UTS2B: variants seen among roughly 807,000 people sequenced by gnomAD.
The protein encoded by UTS2B is urotensin-2B.
Under a neutral mutation model 19.2 loss-of-function variants are expected in UTS2B, and 21 were observed. The ratio of observed to expected loss-of-function variants is 1.09; its 90% CI spans 0.78 to 1.58. UTS2B has a LOEUF of 1.58. Among genes scored for constraint, UTS2B ranks in the 40% most tolerant of loss-of-function variants. The pLI is 0.00. For synonymous variants in UTS2B, 57 were observed against 50.2 expected (o/e 1.14, Z -0.58); for missense variants, 138 against 130.3 (o/e 1.06, Z -0.29).
At chr3:191,324,350 T>C (rs1560148933) in intron 2 of UTS2B, among the ~76,000 whole-genome samples, 2 of 152,160 alleles carry the variant, frequency 1.3e-5, no homozygotes, top group African/African-American at 4.8e-5. Context: ...CAACTGAAAA[T>C]AGAGTAAGAC....
intron 3 of UTS2B, among the ~76,000 whole-genome samples, chr3:191,313,536 A>G (rs763365747): frequency 2.7e-5 from 4 of 150,346 alleles, no homozygotes; most frequent in Non-Finnish European, 5.9e-5. Flanking sequence ...TTGTGAGATA[A>G]TAACAGTTAT....
Position 191,269,240 on chromosome 3 carries a change from A to G in UTS2B, c.335-799T>C, listed in dbSNP as rs549873677. On this transcript the variant is annotated intron_variant, in intron 8 of 8. Coordinates refer to ENST00000340524, the MANE Select transcript of UTS2B (RefSeq NM_198152.5). ...ATTTACAGTGAAAAAGAGTTGAAAA[A>G]CATATAATCCCTCATTGAAATGAAT... Among the ~76,000 whole-genome samples, 17 of 152,288 alleles carry G rather than the reference A, an allele frequency of 1.1e-4. No individual in the cohort carries two copies. In the East Asian group the frequency reaches 3.3e-3, roughly 29 times the overall value.
chr3:191,326,421 C>T (rs1444786250), intron 2 of UTS2B, among the ~76,000 whole-genome samples: 2 of 152,074 alleles, frequency 1.3e-5, no homozygotes, highest in Non-Finnish European at 2.9e-5. Context: ...ACCAAAGTCT[C>T]CCTACTCCAA....
rs548267855 is a variant in UTS2B, at chr3:191,313,777, C to A, written c.-182+2259G>T. On this transcript the variant is annotated intron_variant, in intron 3 of 8. Coordinates refer to ENST00000340524, the MANE Select transcript of UTS2B (RefSeq NM_198152.5). ...ATGAGGTCTCACTCTGTCGCCCAGG[C>A]TAGAGTGCAGTGGCACCATCTCGGC... is the stretch of plus-strand genomic sequence containing the variant. 2.9e-5 allele frequency among the ~76,000 whole-genome samples: 4 copies of A among 139,514 alleles called. No individual in the cohort carries two copies. The East Asian group carries it at 8.8e-4, about 31-fold the overall frequency. 91.5% of individuals were successfully genotyped at this position (139,514 alleles called of 152,430 possible).
chr3:191,345,047 T>C, the UTS2B span, among the ~76,000 whole-genome samples: 2 of 152,158 alleles, frequency 1.3e-5, no homozygotes, highest in African/African-American at 2.4e-5. Flanking sequence ...AGGAATCAAT[T>C]TGATGGGCAC....
At chr3:191,336,524 A>G in the UTS2B span, among the ~76,000 whole-genome samples, 1 of 151,928 alleles carries the variant, frequency 6.6e-6, no homozygotes, top group African/African-American at 2.4e-5. Flanking sequence ...CTATTTTCTT[A>G]TTATTGAATT....
At chr3:191,277,876 A>G (rs1278652656) in intron 6 of UTS2B, among the ~76,000 whole-genome samples, 196 bp downstream of exon 6, 3 of 151,930 alleles carry the variant, frequency 2.0e-5, no homozygotes, top group African/African-American at 7.2e-5. Flanking sequence ...TGACCAAAAT[A>G]GGCTATTAAT....
intron 4 of UTS2B, 100 bp from the exon 5 acceptor site, chr3:191,282,413 A>G (rs1380493471): frequency 4.5e-6 from 2 of 443,910 alleles, no homozygotes; most frequent in Non-Finnish European, 8.1e-6. Context: ...CAGATTTGTT[A>G]TGGAGTCAAT....
intron 8 of UTS2B, among the ~76,000 whole-genome samples, chr3:191,273,141 C>A (rs1356864201): frequency 6.6e-6 from 1 of 152,204 alleles, no homozygotes; most frequent in East Asian, 1.9e-4. Flanking sequence ...GCACTCCAGC[C>A]TGGGCTACAG....
At chr3:191,326,213 A>ATATT (rs973881445) in intron 2 of UTS2B, among the ~76,000 whole-genome samples, 3 of 152,074 alleles carry the variant, frequency 2.0e-5, no homozygotes, top group South Asian at 2.1e-4. Flanking sequence ...TTGGATAACT[A>ATATT]TATTTATTTA....
chr3:191,306,754 C>A (rs1355418500), intron 3 of UTS2B, among the ~76,000 whole-genome samples: 1 of 152,196 alleles, frequency 6.6e-6, no homozygotes, highest in Admixed American at 6.5e-5. Context: ...CTGCCTCAGC[C>A]TCCTGAATAG....
At chr3:191,294,586 G>A (rs1422920868) in intron 4 of UTS2B, 1 of 151,938 alleles carries the variant, frequency 6.6e-6, no homozygotes, top group African/African-American at 2.4e-5. Context: ...GGTGATGGTA[G>A]TTCTAGAAAA....
At chr3:191,322,048 ATGTGTG>A (rs60815436) in intron 2 of UTS2B, among the ~76,000 whole-genome samples, 4 of 150,958 alleles carry the variant, frequency 2.6e-5, no homozygotes, top group Admixed American at 2.0e-4. Context: ...ATACATATAT[ATGTGTG>A]TGTGTGTGTG....
At position 191,268,459 on chromosome 3, in the gene UTS2B, A is replaced by G; in HGVS notation, c.335-18T>C. ...AAAGCAAGCTAAAGAAGAAAACAAA[A>G]TACATTTTTTATTAGAAGTATATTT... On this transcript the variant is annotated intron_variant, in intron 8 of 8. Coordinates refer to ENST00000340524, the MANE Select transcript of UTS2B (RefSeq NM_198152.5). 3 of 1,531,924 alleles carry G rather than the reference A, an allele frequency of 2.0e-6. No individual in the cohort carries two copies. Among genetic ancestry groups the G allele is most frequent in the Non-Finnish European group, 1.8e-6 (2 of 1,118,482 alleles). 94.9% of individuals were successfully genotyped at this position (1,531,924 alleles called of 1,614,324 possible).
intron 2 of UTS2B, among the ~76,000 whole-genome samples, chr3:191,317,776 C>T (rs1397329594): frequency 6.6e-6 from 1 of 152,170 alleles, no homozygotes; most frequent in Non-Finnish European, 1.5e-5. Context: ...GACGGTGTTT[C>T]AGCATGTTGG....
chr3:191,277,832 T>C (rs1207739567), intron 6 of UTS2B, among the ~76,000 whole-genome samples: 1 of 151,790 alleles, frequency 6.6e-6, no homozygotes, highest in African/African-American at 2.4e-5. Flanking sequence ...TTTTTTTAAC[T>C]ATATGTTTAC....
At chr3:191,342,753 T>C in the UTS2B span, among the ~76,000 whole-genome samples, 1 of 152,206 alleles carries the variant, frequency 6.6e-6, no homozygotes, top group East Asian at 1.9e-4. Context: ...TTGGAGTTTC[T>C]TTAGGGATAC....
intron 2 of UTS2B, among the ~76,000 whole-genome samples, chr3:191,327,232 G>A (rs1294527742): frequency 2.0e-5 from 3 of 152,086 alleles, no homozygotes; most frequent in East Asian, 1.9e-4. Context: ...GTGGTGGCTC[G>A]TGCCTGTAAT....
At chr3:191,297,005 G>A (rs1284219805) in intron 4 of UTS2B, among the ~76,000 whole-genome samples, 1 of 152,178 alleles carries the variant, frequency 6.6e-6, no homozygotes, top group African/African-American at 2.4e-5. Context: ...CTGTAATGAT[G>A]CTTATTGCGC....
Sources: gnomAD v4.1 joint callset for allele counts (sites outside exome capture counted in the v4.1 genomes callset) on GRCh38, gnomAD v4.1.1 for gene constraint, MANE v1.5 for transcripts, NCBI Gene and HGNC (gene_info 2026-07-23, HGNC 2026-07-21) for gene names.